Variants in UGT1A8 observed in about 807,000 individuals in gnomAD.
The protein encoded by UGT1A8 is UDP glucuronosyltransferase family 1 member A8.
Under a neutral mutation model 45.3 loss-of-function variants are expected in UGT1A8, and 39 were observed. The observed-to-expected ratio is 0.86, with a 90% CI of 0.67 to 1.12. UGT1A8 has a LOEUF of 1.12. Ranked by LOEUF, UGT1A8 falls within the 50% of genes most tolerant of loss-of-function variation. The pLI, the probability that UGT1A8 is intolerant of heterozygous loss-of-function variation, is 0.00. For synonymous variants in UGT1A8, 275 were observed against 249.2 expected (o/e 1.10, Z -0.97); for missense variants, 719 against 664.9 (o/e 1.08, Z -0.90).
At chr2:233,749,405 TG>T (rs1425183484) in intron 1 of UGT1A8, among the ~76,000 whole-genome samples, 1 of 151,948 alleles carries the variant, frequency 6.6e-6, no homozygotes, top group African/African-American at 2.4e-5. Flanking sequence ...TATTCTCTAG[TG>T]TTAACTACAT....
At chr2:233,733,770 T>C (rs1256243948) in intron 1 of UGT1A8, among the ~76,000 whole-genome samples, 2 of 152,350 alleles carry the variant, frequency 1.3e-5, no homozygotes, top group East Asian at 3.9e-4. Context: ...AATTTTCTTT[T>C]TTTGTTGTGT....
At chr2:233,760,877 T>C in intron 1 of UGT1A8, 1 of 1,614,134 alleles carries the variant, frequency 6.2e-7, no homozygotes, top group South Asian at 1.1e-5. Flanking sequence ...CCCAGGCCTC[T>C]CTCCTCTCAT....
At chr2:233,706,327 CA>C (rs1479575351) in intron 1 of UGT1A8, among the ~76,000 whole-genome samples, 1 of 152,160 alleles carries the variant, frequency 6.6e-6, no homozygotes, top group Non-Finnish European at 1.5e-5. Context: ...TGGAACTATT[CA>C]AGCTGGTGAC....
intron 1 of UGT1A8, chr2:233,681,944 C>G: frequency 1.2e-6 from 2 of 1,612,684 alleles, no homozygotes; most frequent in Non-Finnish European, 1.7e-6. Flanking sequence ...TCTGATGGCT[C>G]GTGCAGGGTG....
intron 1 of UGT1A8, among the ~76,000 whole-genome samples, chr2:233,715,921 C>A (rs1424771340): frequency 2.6e-5 from 4 of 152,180 alleles, no homozygotes; most frequent in Admixed American, 6.5e-5. Flanking sequence ...TCATTGAGCT[C>A]AGGAGTTTCA....
At chr2:233,686,719 A>G (rs895318622) in intron 1 of UGT1A8, among the ~76,000 whole-genome samples, 1 of 152,212 alleles carries the variant, frequency 6.6e-6, no homozygotes, top group African/African-American at 2.4e-5. Flanking sequence ...CCCACCGGCT[A>G]TGAAGGTCAA....
intron 1 of UGT1A8, among the ~76,000 whole-genome samples, chr2:233,662,585 G>A (rs1269571283): frequency 2.6e-5 from 4 of 152,154 alleles, no homozygotes; most frequent in Non-Finnish European, 5.9e-5. Context: ...CTGTGAATGA[G>A]ATCCTTTTAC....
intron 1 of UGT1A8, chr2:233,753,490 A>T (rs1695218587): frequency 6.6e-6 from 1 of 152,072 alleles, no homozygotes. Context: ...GCTGCTCTTA[A>T]TTTTTTTCAG....
chr2:233,676,692 G>T (rs1472017831), intron 1 of UGT1A8, among the ~76,000 whole-genome samples: 1 of 152,146 alleles, frequency 6.6e-6, no homozygotes, highest in Non-Finnish European at 1.5e-5. Flanking sequence ...GTGTCCTGTA[G>T]AATGTTCCTC....
chr2:233,698,912 G>T (rs1019519579), intron 1 of UGT1A8, among the ~76,000 whole-genome samples: 1 of 152,230 alleles, frequency 6.6e-6, no homozygotes, highest in Non-Finnish European at 1.5e-5. Flanking sequence ...CCCAAGGAGG[G>T]ACGTGGCCGT....
At chr2:233,620,504 T>C (rs1359019345) in intron 1 of UGT1A8, among the ~76,000 whole-genome samples, 1 of 152,108 alleles carries the variant, frequency 6.6e-6, no homozygotes, top group South Asian at 2.1e-4. Flanking sequence ...TCACCTACGA[T>C]AGGGAGATAT....
chr2:233,759,026 A>G (rs888147104), intron 1 of UGT1A8, among the ~76,000 whole-genome samples: 4 of 152,116 alleles, frequency 2.6e-5, no homozygotes, highest in Admixed American at 2.0e-4. Flanking sequence ...TTGCTTATCT[A>G]TTTGGTTTCC....
intron 1 of UGT1A8, chr2:233,671,797 T>C: frequency 7.1e-7 from 1 of 1,402,942 alleles, no homozygotes; most frequent in South Asian, 1.7e-5. Context: ...TAAATCATTG[T>C]CAGTGACTGA....
chr2:233,731,857 C>T lies in UGT1A8; in HGVS notation c.856-35177C>T, dbSNP rs191763365. On this transcript the variant is annotated intron_variant, in intron 1 of 4. Transcript: ENST00000373450. ...TAGTTCTAGGTCCTTGAGGAATCGC[C>T]ACACTGTCTTCCACAATGGTTGAAC... Among the ~76,000 whole-genome samples, 286 of 152,314 alleles carry T rather than the reference C, an allele frequency of 1.9e-3. 1 individual carries two copies. In the South Asian group the frequency reaches 0.02, roughly 10 times the overall value.
At chr2:233,624,358 AGT>A (rs1321917817) in intron 1 of UGT1A8, among the ~76,000 whole-genome samples, 3 of 152,054 alleles carry the variant, frequency 2.0e-5, no homozygotes, top group Admixed American at 2.0e-4. Context: ...CTAGAATGTC[AGT>A]GTGTGTTTGC....
intron 1 of UGT1A8, among the ~76,000 whole-genome samples, chr2:233,651,594 A>G (rs2073742942): frequency 6.6e-6 from 1 of 152,236 alleles, no homozygotes; most frequent in Non-Finnish European, 1.5e-5. Flanking sequence ...AGCCTTGGTT[A>G]CAACATACCT....
chr2:233,668,390 CT>C (rs2074119897), intron 1 of UGT1A8, among the ~76,000 whole-genome samples: 1 of 152,114 alleles, frequency 6.6e-6, no homozygotes, highest in Non-Finnish European at 1.5e-5. Context: ...TGAACTCATC[CT>C]TTTTTATGGC....
chr2:233,767,701 T>A, intron 2 of UGT1A8, 148 bp from the exon 3 acceptor site: 2 of 1,506,270 alleles, frequency 1.3e-6, no homozygotes, highest in Admixed American at 2.1e-5. Flanking sequence ...AAGTTGCCAG[T>A]CCTCAGAAGC....
intron 1 of UGT1A8, chr2:233,729,669 C>T: frequency 6.2e-7 from 1 of 1,613,910 alleles, no homozygotes; most frequent in Non-Finnish European, 8.5e-7. Context: ...GTGATTTAGA[C>T]TTTAAGGGCA....
Sources: gnomAD v4.1 joint callset for allele counts (sites outside exome capture counted in the v4.1 genomes callset) on GRCh38, gnomAD v4.1.1 for gene constraint, MANE v1.5 for transcripts, NCBI Gene and HGNC (gene_info 2026-07-23, HGNC 2026-07-21) for gene names.